Variants in WWP2 observed in about 807,000 individuals in gnomAD.
WWP2 encodes WW domain containing E3 ubiquitin protein ligase 2.
A neutral mutation model predicts 121.0 loss-of-function variants in WWP2; 57 were observed. The ratio of observed to expected loss-of-function variants is 0.47; its 90% CI spans 0.38 to 0.59. The LOEUF (loss-of-function observed/expected upper bound fraction) is 0.59. WWP2 is among the 20% of genes least tolerant of loss of function. The pLI, the probability that WWP2 is intolerant of heterozygous loss-of-function variation, is 0.00. For missense variants in WWP2, 962 were observed against 1,158.9 expected, an observed-to-expected ratio of 0.83 and a Z score of 2.47; for synonymous variants, 449 against 441.3, an observed-to-expected ratio of 1.02 and a Z score of -0.22.
At chr16:69,783,623 T>C (rs2055712376) in intron 1 of WWP2, among the ~76,000 whole-genome samples, 1 of 151,788 alleles carries the variant, frequency 6.6e-6, no homozygotes, top group South Asian at 2.1e-4. Flanking sequence ...ACAAATAGAA[T>C]GACAGAAGGT....
intron 7 of WWP2, among the ~76,000 whole-genome samples, chr16:69,879,962 A>G (rs1435972310): frequency 6.6e-6 from 1 of 151,982 alleles, no homozygotes; most frequent in African/African-American, 2.4e-5. Context: ...TGCGTCAATA[A>G]TGTAAAAGTT....
intron 4 of WWP2, among the ~76,000 whole-genome samples, chr16:69,802,643 C>A (rs2056193654): frequency 6.7e-6 from 1 of 150,372 alleles, no homozygotes; most frequent in Non-Finnish European, 1.5e-5. Flanking sequence ...CACTGTCGCT[C>A]AGGCTGGAGT....
intron 6 of WWP2, among the ~76,000 whole-genome samples, chr16:69,847,274 G>A (rs1306301215): frequency 3.3e-5 from 5 of 151,644 alleles, no homozygotes; most frequent in African/African-American, 9.7e-5. Flanking sequence ...TAGTAGAGAC[G>A]GGGTTTCACC....
intron 1 of WWP2, among the ~76,000 whole-genome samples, chr16:69,770,217 C>T (rs960837811): frequency 1.3e-5 from 2 of 152,090 alleles, no homozygotes; most frequent in African/African-American, 4.8e-5. Flanking sequence ...TGGATAGTCT[C>T]AGGATTTGGG....
intron 6 of WWP2, among the ~76,000 whole-genome samples, chr16:69,844,581 C>G (rs2057035551): frequency 6.6e-6 from 1 of 152,208 alleles, no homozygotes; most frequent in Admixed American, 6.5e-5. Flanking sequence ...CCTTGAAATT[C>G]AGAGATCCTG....
intron 4 of WWP2, among the ~76,000 whole-genome samples, chr16:69,835,789 A>G (rs1421771783): frequency 6.7e-6 from 1 of 149,212 alleles, no homozygotes; most frequent in African/African-American, 2.5e-5. Flanking sequence ...ACATGCTCAT[A>G]TAAAACCAAA....
At chr16:69,886,183 A>G (rs1001413721) in intron 7 of WWP2, among the ~76,000 whole-genome samples, 4 of 152,102 alleles carry the variant, frequency 2.6e-5, no homozygotes, top group Non-Finnish European at 5.9e-5. Flanking sequence ...CCTCAGCTCC[A>G]GTGATTCTCC....
intron 4 of WWP2, among the ~76,000 whole-genome samples, chr16:69,801,921 T>G (rs974930628): frequency 4.0e-5 from 6 of 151,866 alleles, no homozygotes; most frequent in Non-Finnish European, 8.8e-5. Context: ...AATATATATT[T>G]ATTTTTATTT....
rs2058791636 is a variant in WWP2, at chr16:69,935,989, G to A, written c.1976+3G>A. The A allele has an allele frequency of 6.2e-7, 1 of 1,613,738 alleles. No individual in the cohort carries two copies. Among genetic ancestry groups the A allele is most frequent in the Non-Finnish European group, 8.5e-7 (1 of 1,179,814 alleles). Reference sequence around the variant, plus strand: ...TACAACTCCATTGTCTGGATCAAGTGAGTTCCCTGCCCCCTTGCCCCACCG... The same window carrying A: ...TACAACTCCATTGTCTGGATCAAGTAAGTTCCCTGCCCCCTTGCCCCACCG... On this transcript the variant is annotated splice_donor_region_variant and intron_variant, in intron 18 of 23. Coordinates refer to ENST00000359154, the MANE Select transcript of WWP2 (RefSeq NM_001270454.2). This position sits in a 1 kb window ranked among gnomAD's most constrained non-coding sequence, Gnocchi z 5.2.
rs188940688 is a variant in WWP2 at position 69,821,897 on chromosome 16, G to A, written c.341-18229G>A. Among the ~76,000 whole-genome samples the A allele has an allele frequency of 1.4e-4, 21 of 151,556 alleles. No individual in the cohort carries two copies. In the East Asian group the frequency reaches 3.7e-3, roughly 27 times the overall value. On this transcript the variant is annotated intron_variant, in intron 4 of 23. Coordinates refer to ENST00000359154, the MANE Select transcript of WWP2 (RefSeq NM_001270454.2). ...TGTTTTTTTTTTAAATAAGAAACAG[G>A]GTCTTACTCTGTCACCCTGGCTAGC...
intron 1 of WWP2, chr16:69,776,150 A>G (rs1012466930): frequency 9.9e-5 from 15 of 152,278 alleles, no homozygotes; most frequent in African/African-American, 3.6e-4. Flanking sequence ...GTCCCAGGCT[A>G]TGACTGTCAC....
chr16:69,905,693 A>T (rs1305042143), intron 8 of WWP2, among the ~76,000 whole-genome samples: 1 of 152,184 alleles, frequency 6.6e-6, no homozygotes, highest in Non-Finnish European at 1.5e-5. Context: ...ATCCTACCTC[A>T]ATGCCAGTGC....
chr16:69,933,843 G>A, intron 16 of WWP2, 127 bp from the exon 17 acceptor site: 1 of 1,120,872 alleles, frequency 8.9e-7, no homozygotes, highest in Non-Finnish European at 1.3e-6. Flanking sequence ...GCTTGTCACA[G>A]GGCTCGACTC....
At chr16:69,908,574 T>TC (rs2058333460) in intron 8 of WWP2, among the ~76,000 whole-genome samples, 187 bp from the exon 9 acceptor site, 1 of 152,244 alleles carries the variant, frequency 6.6e-6, no homozygotes, top group South Asian at 2.1e-4. Flanking sequence ...TATAGTTTCT[T>TC]CAAGAAGCAC....
At position 69,776,568 on chromosome 16, in the gene WWP2, G is replaced by A. The variant is rs181476245; in HGVS notation, c.-15-10428G>A. On this transcript the variant is annotated intron_variant, in intron 1 of 23. Coordinates refer to ENST00000359154, the MANE Select transcript of WWP2 (RefSeq NM_001270454.2). The stretch of plus-strand genomic sequence containing the variant: ...TAATAGGCCGGGCGCAGTGGCTTAC[G>A]CCTGTAATCCCAGCACTTTGGGAGG... Among the ~76,000 whole-genome samples, 18 of 152,288 alleles carry A rather than the reference G, an allele frequency of 1.2e-4. No individual in the cohort carries two copies. In the East Asian group the frequency reaches 3.3e-3, roughly 28 times the overall value.
chr16:69,783,838 C>T (rs930837625), intron 1 of WWP2, among the ~76,000 whole-genome samples: 1 of 148,670 alleles, frequency 6.7e-6, no homozygotes, highest in Admixed American at 6.9e-5. Flanking sequence ...ATCTATAGTC[C>T]CAGCTACTCA....
intron 8 of WWP2, among the ~76,000 whole-genome samples, chr16:69,896,131 C>CT (rs532621472): frequency 3.2e-4 from 49 of 152,126 alleles, no homozygotes; most frequent in Non-Finnish European, 5.7e-4. Flanking sequence ...ACTTTCTTTC[C>CT]TTTTTTTGGA....
intron 10 of WWP2, chr16:69,924,984 T>C: frequency 2.0e-6 from 2 of 989,290 alleles, no homozygotes; most frequent in African/African-American, 1.7e-5. Flanking sequence ...GCCTGCGATA[T>C]TTTTTCCCCT....
chr16:69,904,256 T>G (rs2058252673), intron 8 of WWP2, among the ~76,000 whole-genome samples: 1 of 152,200 alleles, frequency 6.6e-6, no homozygotes, highest in Non-Finnish European at 1.5e-5. Flanking sequence ...TAGAAGGCCC[T>G]GCCAAATCCC....
Sources: allele counts gnomAD v4.1 joint callset (sites outside exome capture counted in the v4.1 genomes callset), GRCh38; gene constraint gnomAD v4.1.1; non-coding constraint Gnocchi (gnomAD v3.1); transcripts MANE v1.5; gene names NCBI Gene and HGNC (gene_info 2026-07-23, HGNC 2026-07-21).